KCNQ2: variants seen among roughly 807,000 people sequenced by gnomAD.
KCNQ2 encodes potassium voltage-gated channel subfamily KQT member 2.
A neutral mutation model predicts 84.8 loss-of-function variants in KCNQ2; 14 were observed. The ratio of observed to expected loss-of-function variants is 0.17; its 90% CI spans 0.11 to 0.26. KCNQ2 has a LOEUF of 0.26. Ranked by LOEUF, KCNQ2 falls within the 10% of genes least tolerant of loss-of-function variation. The pLI, the probability that KCNQ2 is intolerant of heterozygous loss-of-function variation, is 1.00. For missense variants in KCNQ2, 788 were observed against 1,254.0 expected, an observed-to-expected ratio of 0.63 and a Z score of 5.61; for synonymous variants, 599 against 554.1, an observed-to-expected ratio of 1.08 and a Z score of -1.14.
At chr20:63,471,695 C>G (rs2082219132) in intron 1 of KCNQ2, 1 of 155,790 alleles carries the variant, frequency 6.4e-6, no homozygotes, top group South Asian at 2.0e-4. Flanking sequence ...AGAAGCTCAC[C>G]CTAGTCTGAG....
chr20:63,430,591 T>C (rs1223280652), intron 9 of KCNQ2, among the ~76,000 whole-genome samples: 1 of 152,212 alleles, frequency 6.6e-6, no homozygotes, highest in Admixed American at 6.5e-5. Context: ...AGCACAAGCC[T>C]GCCCACCCGA....
rs73918927 is a variant in KCNQ2, at chr20:63,460,336, T to C, written c.296+11832A>G. Among the ~76,000 whole-genome samples, 4,002 of 152,028 alleles carry C rather than the reference T, an allele frequency of 0.026. 171 individuals are homozygous for C. The highest frequency in any genetic ancestry group is 0.16 in the South Asian group (794 of 4,816). ...CAACAAGGGGGCTCCTCCTGAGACA[T>C]CCCACACTCCCTTCATGGGCTCAAG... On this transcript the variant is annotated intron_variant, in intron 1 of 16. Transcript: ENST00000359125. This position sits in a 1 kb window ranked among gnomAD's most constrained non-coding sequence, Gnocchi z 5.4.
At chr20:63,467,469 C>T (rs1194774986) in intron 1 of KCNQ2, among the ~76,000 whole-genome samples, 1 of 152,110 alleles carries the variant, frequency 6.6e-6, no homozygotes. Flanking sequence ...GGCTCCTCTA[C>T]GGCTGTGGAA....
At chr20:63,431,050 G>A (rs2145653079) in intron 9 of KCNQ2, among the ~76,000 whole-genome samples, 1 of 152,326 alleles carries the variant, frequency 6.6e-6, no homozygotes, top group South Asian at 2.1e-4. Context: ...ACACAGGCGG[G>A]CTGGCAACAG....
chr20:63,469,149 C>T (rs1265471967), intron 1 of KCNQ2, among the ~76,000 whole-genome samples: 1 of 152,224 alleles, frequency 6.6e-6, no homozygotes, highest in Non-Finnish European at 1.5e-5. Flanking sequence ...GCCCGGGATT[C>T]AGGCTCCGAA....
At chr20:63,450,555 G>T (rs1422649569) in intron 1 of KCNQ2, among the ~76,000 whole-genome samples, 14 of 55,692 alleles carry the variant, frequency 2.5e-4, no homozygotes, top group Admixed American at 3.5e-4. Flanking sequence ...AAGACTGCTG[G>T]GGGTGGGGGA....
In KCNQ2 at chr20:63,460,472, C is replaced by G. The variant is rs1035683615; in HGVS notation, c.296+11696G>C. 6.6e-6 allele frequency among the ~76,000 whole-genome samples: 1 copy of G among 151,502 alleles called. No homozygotes were observed. Among genetic ancestry groups the G allele is most frequent in the Non-Finnish European group, 1.5e-5 (1 of 67,850 alleles). On this transcript the variant is annotated intron_variant, in intron 1 of 16. Transcript: ENST00000359125. This position sits in a 1 kb window ranked among gnomAD's most constrained non-coding sequence, Gnocchi z 5.4. ...TCCCCCCCACAGCCCCCTGAGACAGCCACGCCTAACCCCCTCCCAAGCAGG... is the reference window on the plus strand; with the variant it reads ...TCCCCCCCACAGCCCCCTGAGACAGGCACGCCTAACCCCCTCCCAAGCAGG...
chr20:63,461,233 G>A (rs969618880), intron 1 of KCNQ2, among the ~76,000 whole-genome samples: 9 of 152,314 alleles, frequency 5.9e-5, no homozygotes, highest in South Asian at 2.1e-4. Context: ...TCCACCCGCC[G>A]CTCAGGCCAA....
chr20:63,420,898 C>T (rs971621078), intron 11 of KCNQ2, among the ~76,000 whole-genome samples: 1 of 152,182 alleles, frequency 6.6e-6, no homozygotes, highest in Non-Finnish European at 1.5e-5. Flanking sequence ...ACGAACGCGA[C>T]GGTGGGACGA....
chr20:63,428,158 C>T (rs532966142), intron 10 of KCNQ2, among the ~76,000 whole-genome samples: 8 of 152,314 alleles, frequency 5.3e-5, no homozygotes, highest in South Asian at 2.1e-4. Context: ...GCCCGTCCCC[C>T]GAACCAGCTG....
intron 4 of KCNQ2, among the ~76,000 whole-genome samples, chr20:63,442,755 CCATCACCACCAT>C (rs2081223405): frequency 1.1e-5 from 1 of 87,108 alleles, no homozygotes; most frequent in African/African-American, 5.3e-5. Flanking sequence ...ACCACCATCA[CCATCACCACCAT>C]CACCATCACC....
At chr20:63,443,155 GGCGCCACCACCATCACATCACCATCACCA>G (rs2081282951) in intron 4 of KCNQ2, among the ~76,000 whole-genome samples, 1 of 13,668 alleles carries the variant, frequency 7.3e-5, no homozygotes, top group Non-Finnish European at 1.5e-4. Context: ...CACCATCACC[GGCGCCACCACCATCACATCACCATCACCA>G]TCACCACCAC....
chr20:63,462,486 G>A (rs1421748921), intron 1 of KCNQ2, among the ~76,000 whole-genome samples: 1 of 152,148 alleles, frequency 6.6e-6, no homozygotes, highest in African/African-American at 2.4e-5. Context: ...TGAGCAGCAG[G>A]CAGCCTAGAG....
At chr20:63,457,686 A>T (rs1378561462) in intron 1 of KCNQ2, among the ~76,000 whole-genome samples, 1 of 152,078 alleles carries the variant, frequency 6.6e-6, no homozygotes, top group African/African-American at 2.4e-5. Context: ...TTGCTCCCTA[A>T]CCACTCCCGC....
At chr20:63,442,678 CA>C in intron 4 of KCNQ2, 147 bp from the exon 5 acceptor site, 1 of 593,148 alleles carries the variant, frequency 1.7e-6, no homozygotes, top group Non-Finnish European at 3.0e-6. Context: ...CCACCACCAC[CA>C]CCACCATCAC....
intron 9 of KCNQ2, among the ~76,000 whole-genome samples, chr20:63,429,296 C>T (rs79432218): frequency 6.7e-6 from 1 of 148,996 alleles, no homozygotes; most frequent in African/African-American, 2.5e-5. Context: ...CCCACCTGAA[C>T]CCCCTCCACT....
At chr20:63,418,386 G>A (rs2080364774) in intron 12 of KCNQ2, among the ~76,000 whole-genome samples, 1 of 152,218 alleles carries the variant, frequency 6.6e-6, no homozygotes, top group Non-Finnish European at 1.5e-5. Flanking sequence ...ATTCAGATGT[G>A]CGGTGCCCGC....
In KCNQ2 at chr20:63,412,934, C is replaced by T. The variant is rs189903846; in HGVS notation, c.1763+516G>A. Reference sequence around the variant, plus strand: ...TGTGTGGACTTAGGGGACACCTATGCCAAGGAGGGCAGGTAGAAGAAAAGG... The same window carrying T: ...TGTGTGGACTTAGGGGACACCTATGTCAAGGAGGGCAGGTAGAAGAAAAGG... On this transcript the variant is annotated intron_variant, in intron 15 of 16. Transcript: ENST00000359125. Among the ~76,000 whole-genome samples the T allele has an allele frequency of 1.8e-4, 28 of 152,246 alleles. No homozygotes were observed. In the East Asian group the frequency reaches 3.9e-3, roughly 21 times the overall value.
rs2081071463 is a variant in KCNQ2 at position 63,438,618 on chromosome 20, G to A, written c.1023+7C>T. 1 of 1,612,526 alleles carries A rather than the reference G, an allele frequency of 6.2e-7. No individual in the cohort carries two copies. Among genetic ancestry groups the A allele is most frequent in the Admixed American group, 1.7e-5 (1 of 60,020 alleles). The stretch of plus-strand genomic sequence containing the variant: ...TGTGCTGGTCCCCGGGGGACACCTG[G>A]ACTCACCTGGATCAGGCCTGCTGCC... On this transcript the variant is annotated splice_region_variant and intron_variant, in intron 7 of 16. Transcript: ENST00000359125. The surrounding 1 kb of genome is among the most constrained non-coding windows in gnomAD (Gnocchi z 5.1).
Sources: gnomAD v4.1 joint callset for allele counts (sites outside exome capture counted in the v4.1 genomes callset) on GRCh38, gnomAD v4.1.1 for gene constraint, Gnocchi (gnomAD v3.1) non-coding constraint, MANE v1.5 for transcripts, NCBI Gene and HGNC (gene_info 2026-07-23, HGNC 2026-07-21) for gene names.